Variants in WDFY4 observed in about 807,000 individuals in gnomAD.
WDFY4 encodes the protein WDFY family member 4, also known as WD repeat- and FYVE domain-containing protein 4.
A neutral mutation model predicts 351.9 loss-of-function variants in WDFY4; 169 were observed. The ratio of observed to expected loss-of-function variants is 0.48; its 90% CI spans 0.42 to 0.55. WDFY4 has a LOEUF of 0.55. WDFY4 is among the 20% of genes least tolerant of loss of function. The pLI is 0.00. For missense variants in WDFY4, 3,803 were observed against 3,935.6 expected (o/e 0.97, Z 0.90); for synonymous variants, 1,622 against 1,574.6 (o/e 1.03, Z -0.71).
chr10:48,787,886 TTCTTCTC>T (rs2066489484), intron 20 of WDFY4, among the ~76,000 whole-genome samples: 15 of 82,144 alleles, frequency 1.8e-4, no homozygotes, highest in Middle Eastern at 6.2e-3. Flanking sequence ...TTCTTTCTTC[TTCTTCTC>T]CTTCTTCTTC....
intron 12 of WDFY4, among the ~76,000 whole-genome samples, chr10:48,752,036 G>C (rs769687234): frequency 5.9e-5 from 9 of 152,104 alleles, no homozygotes; most frequent in African/African-American, 2.2e-4. Flanking sequence ...ACTTTCTGTC[G>C]TACCCACAGG....
At chr10:48,765,167 G>C (rs750955511) in intron 13 of WDFY4, among the ~76,000 whole-genome samples, 1 of 152,224 alleles carries the variant, frequency 6.6e-6, no homozygotes, top group Admixed American at 6.5e-5. Flanking sequence ...GGAGGACCTC[G>C]AATGTTGAGC....
chr10:48,901,259 T>G (rs1268881062), intron 46 of WDFY4, among the ~76,000 whole-genome samples: 1 of 152,270 alleles, frequency 6.6e-6, no homozygotes, highest in African/African-American at 2.4e-5. Context: ...ATTCAAGGCC[T>G]AGTTTAGACC....
At chr10:48,979,563 A>G (rs1473965672) in intron 60 of WDFY4, 1 of 145,374 alleles carries the variant, frequency 6.9e-6, no homozygotes, top group Non-Finnish European at 1.5e-5. Context: ...GGATGGATGG[A>G]TGGAAGGATG....
intron 39 of WDFY4, among the ~76,000 whole-genome samples, chr10:48,839,584 C>T (rs1268870732): frequency 6.6e-6 from 1 of 150,852 alleles, no homozygotes; most frequent in Non-Finnish European, 1.5e-5. Flanking sequence ...GGCAGGAAAG[C>T]AGAAAGGCCA....
At chr10:48,913,454 C>T (rs766550069) in intron 47 of WDFY4, 3 of 1,613,642 alleles carry the variant, frequency 1.9e-6, no homozygotes, top group African/African-American at 1.3e-5. Flanking sequence ...GAAAGATGGT[C>T]TTTCTCGGTG....
chr10:48,827,989 T>C (rs1402365021), intron 36 of WDFY4, among the ~76,000 whole-genome samples: 1 of 152,128 alleles, frequency 6.6e-6, no homozygotes, highest in Non-Finnish European at 1.5e-5. Context: ...ATGCTTGAGA[T>C]GATACCCTCC....
intron 47 of WDFY4, among the ~76,000 whole-genome samples, chr10:48,916,560 G>A (rs1838555277): frequency 6.6e-6 from 1 of 152,164 alleles, no homozygotes; most frequent in South Asian, 2.1e-4. Context: ...GGCTCTAGAG[G>A]CAGAAACAGT....
At chr10:48,694,994 G>T (rs2063294971) in intron 1 of WDFY4, among the ~76,000 whole-genome samples, 1 of 152,176 alleles carries the variant, frequency 6.6e-6, no homozygotes, top group East Asian at 1.9e-4. Flanking sequence ...GAAGTCCAGG[G>T]TGTGGACAGA....
intron 39 of WDFY4, among the ~76,000 whole-genome samples, chr10:48,833,780 C>T (rs1373729146): frequency 2.0e-5 from 3 of 152,178 alleles, no homozygotes; most frequent in Admixed American, 1.3e-4. Flanking sequence ...ACTTAACTCC[C>T]CAGTGGGATA....
intron 23 of WDFY4, among the ~76,000 whole-genome samples, chr10:48,791,285 C>T (rs1225957023): frequency 6.6e-6 from 1 of 152,230 alleles, no homozygotes; most frequent in Non-Finnish European, 1.5e-5. Flanking sequence ...TGCTATTTAA[C>T]CTTAGATGAG....
chr10:48,974,516 A>AAAAAAAAAAAAAAAAAAAAC lies in WDFY4; in HGVS notation c.8929-333_8929-332insAAAAAACAAAAAAAAAAAAA, dbSNP rs1554824248. On this transcript the variant is annotated intron_variant, in intron 57 of 61. Transcript: ENST00000325239. ...AGACTCCGTCTCAAAAAAAAAAAAAAAAAAAAAAAAAAACAACTCATGACA... is the reference window on the plus strand; with the variant it reads ...AGACTCCGTCTCAAAAAAAAAAAAAAAAAAAAAAAAAAAAAAAAACAAAAAAAAAAAAACAACTCATGACA... Among the ~76,000 whole-genome samples, 4 of 16,352 alleles carry AAAAAAAAAAAAAAAAAAAAC rather than the reference A, an allele frequency of 2.4e-4. 1 individual carries two copies. Among genetic ancestry groups the AAAAAAAAAAAAAAAAAAAAC allele is most frequent in the Non-Finnish European group, 8.3e-4 (2 of 2,398 alleles). The allele number at this position is 16,352 out of a possible 152,430, so 10.7% of individuals were successfully genotyped here.
intron 24 of WDFY4, among the ~76,000 whole-genome samples, chr10:48,800,823 C>T (rs1039578691): frequency 6.6e-6 from 1 of 150,596 alleles, no homozygotes; most frequent in Non-Finnish European, 1.5e-5. Context: ...ACCTCTGACT[C>T]CCAGGTTCAA....
intron 47 of WDFY4, chr10:48,932,336 G>T (rs1448849379): frequency 6.6e-6 from 1 of 152,194 alleles, no homozygotes. Context: ...TCAGATGGAG[G>T]AGTTGGAGAA....
chr10:48,700,318 G>C (rs1006980652), intron 1 of WDFY4, among the ~76,000 whole-genome samples: 1 of 152,164 alleles, frequency 6.6e-6, no homozygotes, highest in South Asian at 2.1e-4. Context: ...TGCTTTGGGG[G>C]CCCTTTACCA....
At chr10:48,937,626 C>T (rs551657649) in intron 47 of WDFY4, among the ~76,000 whole-genome samples, 16 of 152,332 alleles carry the variant, frequency 1.1e-4, no homozygotes, top group African/African-American at 3.8e-4. Flanking sequence ...TTCACACTTT[C>T]TAACAGGTTA....
intron 25 of WDFY4, among the ~76,000 whole-genome samples, chr10:48,803,825 G>A (rs1024599310): frequency 3.9e-5 from 6 of 152,210 alleles, no homozygotes; most frequent in African/African-American, 1.4e-4. Context: ...CAATTGAAAA[G>A]AGCTGATCTC....
intron 47 of WDFY4, among the ~76,000 whole-genome samples, chr10:48,940,569 G>A (rs2244777): frequency 0.87 from 132,210 of 152,220 alleles, 59,271 homozygotes; most frequent in South Asian, 0.98. Context: ...CACAGACCAT[G>A]CAGGTGGAGC....
chr10:48,908,296 G>A (rs796701561), intron 47 of WDFY4, among the ~76,000 whole-genome samples: 14 of 152,328 alleles, frequency 9.2e-5, no homozygotes, highest in African/African-American at 3.4e-4. Context: ...GAATGCTGAT[G>A]AGCAACCCAC....
Sources: allele counts gnomAD v4.1 joint callset (sites outside exome capture counted in the v4.1 genomes callset), GRCh38; gene constraint gnomAD v4.1.1; transcripts MANE v1.5; gene names NCBI Gene and HGNC (gene_info 2026-07-23, HGNC 2026-07-21).